The following LRRC8D variants were observed in gnomAD, a reference collection of about 807,000 sequenced individuals.
LRRC8D encodes volume-regulated anion channel subunit LRRC8D.
In LRRC8D, 20 loss-of-function variants were observed where a neutral mutation model predicts 55.8. The observed-to-expected ratio is 0.36, with a 90% CI of 0.25 to 0.52. The LOEUF is 0.52. LRRC8D is among the 20% of genes least tolerant of loss of function. The probability of loss-of-function intolerance (pLI) is 0.93; values close to 1 mark genes in which losing one functional copy is unlikely to be tolerated. For missense variants in LRRC8D, 651 were observed against 1,030.8 expected (o/e 0.63, Z 5.05); for synonymous variants, 352 against 377.0 (o/e 0.93, Z 0.77).
intron 2 of LRRC8D, among the ~76,000 whole-genome samples, chr1:89,891,363 G>A (rs1466247385): frequency 6.6e-6 from 1 of 152,196 alleles, no homozygotes; most frequent in African/African-American, 2.4e-5. Context: ...TGCACGTGAT[G>A]CTGATATGTT....
At chr1:89,823,275 G>C (rs1420375087) in intron 1 of LRRC8D, among the ~76,000 whole-genome samples, 1 of 152,064 alleles carries the variant, frequency 6.6e-6, no homozygotes, top group Non-Finnish European at 1.5e-5. Context: ...TTTTCTCCCT[G>C]CTGTGTTTTC....
At chr1:89,894,596 A>T (rs1056021245) in intron 2 of LRRC8D, among the ~76,000 whole-genome samples, 3 of 152,224 alleles carry the variant, frequency 2.0e-5, no homozygotes, top group Non-Finnish European at 4.4e-5. Flanking sequence ...TAGAGGTAGT[A>T]TAAGAAAGGT....
At chr1:89,827,517 A>C (rs888820510) in intron 1 of LRRC8D, among the ~76,000 whole-genome samples, 3 of 152,162 alleles carry the variant, frequency 2.0e-5, no homozygotes, top group Non-Finnish European at 4.4e-5. Flanking sequence ...TGCTGCTAGA[A>C]TGTAAGCTTC....
At chr1:89,917,783 T>C (rs1174121805) in intron 2 of LRRC8D, among the ~76,000 whole-genome samples, 1 of 152,148 alleles carries the variant, frequency 6.6e-6, no homozygotes, top group African/African-American at 2.4e-5. Context: ...AAATTAGAGA[T>C]ACAAATATGA....
chr1:89,854,381 AT>A (rs11379936), intron 2 of LRRC8D, among the ~76,000 whole-genome samples: 8 of 149,690 alleles, frequency 5.3e-5, no homozygotes, highest in Admixed American at 1.3e-4. Context: ...CTGACGGAGG[AT>A]TTTTTTTTTT....
chr1:89,846,945 A>G (rs1661297062), intron 2 of LRRC8D, among the ~76,000 whole-genome samples: 1 of 152,166 alleles, frequency 6.6e-6, no homozygotes, highest in African/African-American at 2.4e-5. Context: ...TAAATGATAT[A>G]TATGACTCTC....
intron 2 of LRRC8D, among the ~76,000 whole-genome samples, chr1:89,922,886 C>T (rs1007577305): frequency 6.6e-6 from 1 of 152,120 alleles, no homozygotes; most frequent in Non-Finnish European, 1.5e-5. Flanking sequence ...AATTTACATA[C>T]CATACAATTT....
intron 2 of LRRC8D, among the ~76,000 whole-genome samples, chr1:89,903,849 C>G (rs1662923940): frequency 6.6e-6 from 1 of 152,178 alleles, no homozygotes; most frequent in South Asian, 2.1e-4. Flanking sequence ...TTATAGCTGG[C>G]TCTGAGTTTA....
chr1:89,836,089 T>A (rs1210859417), intron 1 of LRRC8D, among the ~76,000 whole-genome samples: 2 of 152,224 alleles, frequency 1.3e-5, no homozygotes, highest in Non-Finnish European at 1.5e-5. Context: ...GCTACAGAGC[T>A]AATAGTGCAG....
At chr1:89,867,869 C>A (rs1439382509) in intron 2 of LRRC8D, among the ~76,000 whole-genome samples, 1 of 152,118 alleles carries the variant, frequency 6.6e-6, no homozygotes, top group Non-Finnish European at 1.5e-5. Context: ...AAGGAAACAT[C>A]CTTTTAGAAT....
chr1:89,858,280 G>A (rs751852953), intron 2 of LRRC8D, among the ~76,000 whole-genome samples: 1 of 152,022 alleles, frequency 6.6e-6, no homozygotes, highest in African/African-American at 2.4e-5. Context: ...TTTTTTGTTT[G>A]CTGTTATGAA....
In LRRC8D at chr1:89,890,672, C is replaced by T. The variant is rs889124118; in HGVS notation, c.-2-42395C>T. Among the ~76,000 whole-genome samples, 48 of 152,288 alleles carry T rather than the reference C, an allele frequency of 3.2e-4. No individual in the cohort carries two copies. The Middle Eastern group carries it at 0.01, about 32-fold the overall frequency. On this transcript the variant is annotated intron_variant, in intron 2 of 2. Transcript: ENST00000337338. ...GAGTTCTCCAGTACCCTTCACTCACCTTCCCTTATGTTAATGCCTTACATA... is the reference window on the plus strand; with the variant it reads ...GAGTTCTCCAGTACCCTTCACTCACTTTCCCTTATGTTAATGCCTTACATA...
intron 2 of LRRC8D, among the ~76,000 whole-genome samples, chr1:89,905,279 A>G (rs561819731): frequency 7.2e-5 from 11 of 152,266 alleles, no homozygotes; most frequent in Admixed American, 2.6e-4. Context: ...TTCTCTTTTG[A>G]ATATATGTTA....
At chr1:89,891,146 C>CTGGG (rs1212527735) in intron 2 of LRRC8D, among the ~76,000 whole-genome samples, 6 of 152,210 alleles carry the variant, frequency 3.9e-5, no homozygotes, top group African/African-American at 1.4e-4. Flanking sequence ...TCCCAAAGGG[C>CTGGG]TGGGATTACA....
At chr1:89,872,246 A>T (rs1662026847) in intron 2 of LRRC8D, among the ~76,000 whole-genome samples, 1 of 152,232 alleles carries the variant, frequency 6.6e-6, no homozygotes, top group African/African-American at 2.4e-5. Flanking sequence ...CCCTGTGTGC[A>T]TGATGACCAG....
At chr1:89,842,161 C>T (rs967465072) in intron 1 of LRRC8D, among the ~76,000 whole-genome samples, 5 of 144,458 alleles carry the variant, frequency 3.5e-5, no homozygotes, top group Admixed American at 7.2e-5. Flanking sequence ...TGCAGTGAGC[C>T]GAGATCACGC....
intron 2 of LRRC8D, among the ~76,000 whole-genome samples, chr1:89,853,968 T>G (rs1661487245): frequency 6.6e-6 from 1 of 151,912 alleles, no homozygotes; most frequent in South Asian, 2.1e-4. Context: ...TTGAGAATAG[T>G]GGTGAGGAAG....
intron 2 of LRRC8D, among the ~76,000 whole-genome samples, chr1:89,874,454 TG>T (rs1662101537): frequency 1.3e-5 from 2 of 148,998 alleles, no homozygotes; most frequent in African/African-American, 2.5e-5. Flanking sequence ...TGTGTGTGTG[TG>T]TGTGTGTGTG....
At chr1:89,880,845 C>T (rs999602351) in intron 2 of LRRC8D, among the ~76,000 whole-genome samples, 5 of 151,908 alleles carry the variant, frequency 3.3e-5, no homozygotes, top group Admixed American at 6.6e-5. Flanking sequence ...TGCTAACATA[C>T]GTATGTCACT....
Sources: gnomAD v4.1 joint callset for allele counts (sites outside exome capture counted in the v4.1 genomes callset) on GRCh38, gnomAD v4.1.1 for gene constraint, MANE v1.5 for transcripts, NCBI Gene and HGNC (gene_info 2026-07-23, HGNC 2026-07-21) for gene names.